Variants in GLOD5 observed in about 807,000 individuals in gnomAD.
GLOD5 encodes glyoxalase domain-containing protein 5.
In GLOD5, 7 loss-of-function variants were observed where a neutral mutation model predicts 9.9. The ratio of observed to expected loss-of-function variants is 0.71; its 90% CI spans 0.40 to 1.33. The LOEUF (loss-of-function observed/expected upper bound fraction) is 1.33. Ranked by LOEUF, GLOD5 falls within the 40% of genes most tolerant of loss-of-function variation. The pLI is 0.01. For synonymous variants in GLOD5, 49 were observed against 47.3 expected (o/e 1.04, Z -0.14); for missense variants, 146 against 128.4 (o/e 1.14, Z -0.66).
chrX:48,767,689 G>A (rs1473647589), intron 2 of GLOD5, among the ~76,000 whole-genome samples: 11 of 111,295 alleles, frequency 9.9e-5, no homozygotes, highest in Admixed American at 6.7e-4. Flanking sequence ...CAGCCTGGGC[G>A]ACAGAGCAAG....
chrX:48,766,707 C>T (rs1356807834), intron 2 of GLOD5, among the ~76,000 whole-genome samples: 3 of 109,137 alleles, frequency 2.7e-5, no homozygotes, highest in Non-Finnish European at 5.7e-5. Flanking sequence ...GCTGAGATTG[C>T]ACTACAGCAC....
intron 3 of GLOD5, among the ~76,000 whole-genome samples, chrX:48,771,316 CTTTT>C (rs147569348): frequency 1.0e-5 from 1 of 99,688 alleles, no homozygotes; most frequent in African/African-American, 3.6e-5. Flanking sequence ...CACTGAAATA[CTTTT>C]TTTTTTTTTT....
At chrX:48,766,469 G>A (rs1438304528) in intron 2 of GLOD5, among the ~76,000 whole-genome samples, 1 of 111,863 alleles carries the variant, frequency 8.9e-6, no homozygotes, top group African/African-American at 3.2e-5. Flanking sequence ...TAAATGTAGG[G>A]GCCAGGTGCG....
chrX:48,768,090 T>A (rs1220044600), intron 2 of GLOD5, among the ~76,000 whole-genome samples: 2 of 112,094 alleles, frequency 1.8e-5, no homozygotes, highest in East Asian at 5.6e-4. Flanking sequence ...CTCACCCTCC[T>A]GAGTAGTTGA....
intron 2 of GLOD5, among the ~76,000 whole-genome samples, chrX:48,770,482 G>T (rs1201291363): frequency 9.0e-6 from 1 of 110,972 alleles, no homozygotes; most frequent in South Asian, 3.8e-4. Flanking sequence ...GAGCAATAAG[G>T]GCCAGCGCAG....
chrX:48,768,466 T>C (rs782785364), intron 2 of GLOD5, among the ~76,000 whole-genome samples: 1 of 111,793 alleles, frequency 8.9e-6, no homozygotes, highest in Non-Finnish European at 1.9e-5. Flanking sequence ...GGGCCAATGG[T>C]GATAACGAGG....
Position 48,761,778 on chromosome X carries a change from C to G in GLOD5, c.-13C>G. 1 of 1,162,603 alleles carries G rather than the reference C, an allele frequency of 8.6e-7. No homozygotes were observed. Among genetic ancestry groups the G allele is most frequent in the Non-Finnish European group, 1.2e-6 (1 of 868,685 alleles). ...TTGTCGGGAGGACCCTGGGCAAAGA[C>G]GCCTACCCTGCCATGCTGCGCCATC... On this transcript the variant is annotated 5_prime_UTR_variant, in exon 1 of 4. Transcript: ENST00000303227.
chrX:48,769,844 G>A (rs1469747986), intron 2 of GLOD5, among the ~76,000 whole-genome samples: 2 of 108,194 alleles, frequency 1.8e-5, no homozygotes, highest in Non-Finnish European at 3.8e-5. Flanking sequence ...GCCAGGCGTG[G>A]TGGGGTGTGC....
At chrX:48,762,668 C>A (rs1557016138) in intron 1 of GLOD5, among the ~76,000 whole-genome samples, 1 of 110,953 alleles carries the variant, frequency 9.0e-6, no homozygotes, top group Non-Finnish European at 1.9e-5. Flanking sequence ...AACTCCTGAC[C>A]TCATGTAATC....
At position 48,773,535 on chromosome X, in the gene GLOD5, A is replaced by T; in HGVS notation, c.*100A>T. 1 of 933,599 alleles carries T rather than the reference A, an allele frequency of 1.1e-6. No individual in the cohort carries two copies. The highest frequency in any genetic ancestry group is 1.5e-6 in the Non-Finnish European group (1 of 672,268). 76.9% of individuals were successfully genotyped at this position (933,599 alleles called of 1,213,427 possible). On this transcript the variant is annotated 3_prime_UTR_variant, in exon 4 of 4. Transcript: ENST00000303227. ...GCCCAGAGATCTCCAAAGACTGAGG[A>T]CTTAGGCACTTCACACATCCTGCTG...
chrX:48,766,332 G>A, intron 2 of GLOD5: 3 of 133,055 alleles, frequency 2.3e-5, no homozygotes, highest in Non-Finnish European at 4.5e-5. Context: ...TATCTACAAA[G>A]GAAAAAAAAA....
At chrX:48,764,786 C>A (rs1381983842) in intron 1 of GLOD5, among the ~76,000 whole-genome samples, 2 of 110,725 alleles carry the variant, frequency 1.8e-5, no homozygotes, top group Non-Finnish European at 3.8e-5. Context: ...TTCAAGGGAT[C>A]TGTCTGCCTC....
intron 3 of GLOD5, among the ~76,000 whole-genome samples, chrX:48,772,535 T>A (rs1164030985): frequency 2.7e-5 from 3 of 111,080 alleles, no homozygotes; most frequent in African/African-American, 9.8e-5. Context: ...CAAGGCCCCA[T>A]CTCTACAATA....
At chrX:48,769,778 G>A (rs1479862977) in intron 2 of GLOD5, among the ~76,000 whole-genome samples, 2 of 107,619 alleles carry the variant, frequency 1.9e-5, no homozygotes, top group East Asian at 5.9e-4. Context: ...AGGAGTTCAA[G>A]ACCAGCCTGG....
intron 2 of GLOD5, among the ~76,000 whole-genome samples, chrX:48,770,381 A>C (rs1225890221): frequency 8.9e-6 from 1 of 112,379 alleles, no homozygotes; most frequent in African/African-American, 3.2e-5. Flanking sequence ...GTTAAACAAG[A>C]CAAGAGTTTT....
chrX:48,768,373 G>A (rs1010570424), intron 2 of GLOD5, among the ~76,000 whole-genome samples: 1 of 111,837 alleles, frequency 8.9e-6, no homozygotes, highest in South Asian at 3.7e-4. Flanking sequence ...CACATCAAAC[G>A]CACTATAATG....
chrX:48,764,623 T>C (rs1460642647), intron 1 of GLOD5, among the ~76,000 whole-genome samples: 1 of 105,994 alleles, frequency 9.4e-6, no homozygotes, highest in Non-Finnish European at 1.9e-5. Flanking sequence ...TCATAGCTCA[T>C]TGCAACCTCC....
intron 1 of GLOD5, chrX:48,762,173 A>C: frequency 5.0e-6 from 1 of 200,605 alleles, no homozygotes; most frequent in Non-Finnish European, 9.3e-6. Flanking sequence ...ATGTGGAGAG[A>C]GGCTAGGAAA....
At chrX:48,771,178 A>G (rs928863880) in intron 3 of GLOD5, 96 bp downstream of exon 3, 9 of 614,159 alleles carry the variant, frequency 1.5e-5, no homozygotes, top group Non-Finnish European at 2.2e-5. Context: ...CCACAACCAG[A>G]TAATGTCTGC....
Sources: allele counts gnomAD v4.1 joint callset (sites outside exome capture counted in the v4.1 genomes callset), GRCh38; gene constraint gnomAD v4.1.1; transcripts MANE v1.5; gene names NCBI Gene and HGNC (gene_info 2026-07-23, HGNC 2026-07-21).